ZGPAT: variants seen among roughly 807,000 people sequenced by gnomAD.
The protein encoded by ZGPAT is zinc finger CCCH-type and G-patch domain containing.
In ZGPAT, 39 loss-of-function variants were observed where a neutral mutation model predicts 47.9. That is an observed-to-expected ratio of 0.81 (90% CI 0.63 to 1.06). ZGPAT has a LOEUF of 1.06. Among genes scored for constraint, ZGPAT ranks in the 50% least tolerant of loss-of-function variants. The pLI, the probability that ZGPAT is intolerant of heterozygous loss-of-function variation, is 0.00. For missense variants in ZGPAT, 717 were observed against 681.4 expected, an observed-to-expected ratio of 1.05 and a Z score of -0.58; for synonymous variants, 348 against 292.9, an observed-to-expected ratio of 1.19 and a Z score of -1.92.
chr20:63,711,246 G>A (rs527362936), intron 2 of ZGPAT, among the ~76,000 whole-genome samples: 2 of 152,096 alleles, frequency 1.3e-5, no homozygotes, highest in African/African-American at 4.8e-5. Context: ...CCCAGGTCTC[G>A]AATTCCTGAT....
rs530553969 is a variant in ZGPAT, at chr20:63,732,896, G to T, written c.585-323G>T. The stretch of plus-strand genomic sequence containing the variant: ...TGTGCGTATGCGTGTATGTGTACGT[G>T]TGTATATGCATGTGTGTGTATATGC... On this transcript the variant is annotated intron_variant, in intron 2 of 6. Transcript: ENST00000355969. Among the ~76,000 whole-genome samples the T allele has an allele frequency of 5.9e-5, 9 of 151,976 alleles. No homozygotes were observed. The South Asian group carries it at 1.9e-3, about 31-fold the overall frequency.
rs981340772 is a variant in ZGPAT at position 63,734,848 on chromosome 20, A to G, written c.991+24A>G. On this transcript the variant is annotated intron_variant, in intron 5 of 6. Transcript: ENST00000355969. Reference sequence around the variant, plus strand: ...GGGTGAGTACAAGCTGCCCTGGAGAAGTGGGCAGGCTGCTGCAGCATAGCC... The same window carrying G: ...GGGTGAGTACAAGCTGCCCTGGAGAGGTGGGCAGGCTGCTGCAGCATAGCC... 3.2e-6 allele frequency: 5 copies of G among 1,556,012 alleles called. No homozygotes were observed. In the East Asian group the frequency reaches 1.1e-4, roughly 35 times the overall value.
At chr20:63,721,138 G>A (rs1201175848) in intron 2 of ZGPAT, among the ~76,000 whole-genome samples, 1 of 152,064 alleles carries the variant, frequency 6.6e-6, no homozygotes, top group African/African-American at 2.4e-5. Context: ...GATCACTTGA[G>A]GTCAGGAGTT....
At position 63,735,427 on chromosome 20, in the gene ZGPAT, G is replaced by T; in HGVS notation, c.1260G>T (p.Arg420Ser). ...LEAGAAPAGR[R>S]SKDMYHASKS... ...CCGGGGCGGCCCCAGCGGGGAGGAG[G>T]AGCAAGGACATGTACCATGCCAGCA... is the stretch of plus-strand genomic sequence containing the variant. Residue 420 changes from arginine to serine, a missense_variant, in exon 6 of 7, where the codon AGG becomes AGT. Transcript: ENST00000355969. 2 of 1,574,312 alleles carry T rather than the reference G, an allele frequency of 1.3e-6. No homozygotes were observed. The highest frequency in any genetic ancestry group is 2.4e-5 in the South Asian group (2 of 84,816).
chr20:63,711,807 C>T (rs1381878205), intron 2 of ZGPAT, among the ~76,000 whole-genome samples: 2 of 152,034 alleles, frequency 1.3e-5, no homozygotes, highest in Admixed American at 6.6e-5. Context: ...AGGCTGGTCT[C>T]GAACTCTTGA....
At chr20:63,709,443 C>T (rs1290356936) in intron 2 of ZGPAT, among the ~76,000 whole-genome samples, 2 of 152,210 alleles carry the variant, frequency 1.3e-5, no homozygotes, top group East Asian at 1.9e-4. Context: ...TTCAAGACCA[C>T]GCTGGTCAAC....
In ZGPAT at chr20:63,708,702, G is replaced by C. The variant is rs750848676; in HGVS notation, c.122G>C (p.Gly41Ala). The C allele has an allele frequency of 6.2e-7, 1 of 1,612,686 alleles. No homozygotes were observed. The highest frequency in any genetic ancestry group is 1.3e-5 in the African/African-American group (1 of 74,942). Reference protein sequence around the residue: ...SEQADLRQLQGDLKELIELTE... With the variant: ...SEQADLRQLQADLKELIELTE... ...CAGGCTGACCTGCGCCAGCTGCAGG[G>C]GGACCTGAAGGAGCTCATCGAGCTC... is the stretch of plus-strand genomic sequence containing the variant. Residue 41 changes from glycine (G) to alanine (A), a missense_variant, in exon 2 of 7, where the codon GGG (glycine) becomes GCG (alanine). Gly to Ala is a moderately conservative substitution (Grantham distance 60). Transcript: ENST00000355969.
At chr20:63,717,332 CTTTTTTTTTTTTTTT>C (rs1173734420) in intron 2 of ZGPAT, among the ~76,000 whole-genome samples, 1 of 60,954 alleles carries the variant, frequency 1.6e-5, no homozygotes, top group Non-Finnish European at 2.8e-5. Context: ...TTTTTCTTTT[CTTTTTTTTTTTTTTT>C]TTTTTTTTTT....
At chr20:63,730,744 A>C (rs552422952) in intron 2 of ZGPAT, among the ~76,000 whole-genome samples, 14 of 152,262 alleles carry the variant, frequency 9.2e-5, no homozygotes, top group African/African-American at 2.9e-4. Context: ...GGCCTCCCAA[A>C]GTGCTGGGAT....
chr20:63,713,044 T>C (rs1156381271), intron 2 of ZGPAT, among the ~76,000 whole-genome samples: 1 of 152,132 alleles, frequency 6.6e-6, no homozygotes, highest in Non-Finnish European at 1.5e-5. Flanking sequence ...TAAGTATTAT[T>C]TTTGATGCTT....
At chr20:63,732,409 CGT>C (rs1295612883) in intron 2 of ZGPAT, among the ~76,000 whole-genome samples, 5 of 137,248 alleles carry the variant, frequency 3.6e-5, no homozygotes, top group East Asian at 2.2e-4. Flanking sequence ...CCTGTGTGTG[CGT>C]GTGTGTGGGT....
chr20:63,731,903 G>C (rs1021880703), intron 2 of ZGPAT, among the ~76,000 whole-genome samples: 1 of 152,228 alleles, frequency 6.6e-6, no homozygotes, highest in African/African-American at 2.4e-5. Flanking sequence ...GTAATCTAGG[G>C]ATGATTTAAA....
intron 5 of ZGPAT, 103 bp downstream of exon 5, chr20:63,734,927 G>C: frequency 7.0e-7 from 1 of 1,420,236 alleles, no homozygotes; most frequent in Non-Finnish European, 9.3e-7. Flanking sequence ...GGTTCCCAGG[G>C]TCCCGCAGCC....
chr20:63,730,075 AAG>A (rs2091882526), intron 2 of ZGPAT: 1 of 151,240 alleles, frequency 6.6e-6, no homozygotes, highest in Non-Finnish European at 1.5e-5. Flanking sequence ...TTCTGGGTTA[AAG>A]AGTTTACAAA....
intron 2 of ZGPAT, among the ~76,000 whole-genome samples, chr20:63,709,755 T>C (rs557585888): frequency 2.6e-5 from 4 of 151,708 alleles, no homozygotes; most frequent in African/African-American, 9.7e-5. Flanking sequence ...CCTGGCTCAC[T>C]GCAGCCTGGA....
rs142098239 is a variant in ZGPAT at position 63,720,880 on chromosome 20, G to A, written c.584+11716G>A. Among the ~76,000 whole-genome samples the A allele has an allele frequency of 5.1e-4, 77 of 152,298 alleles. 2 individuals carry two copies. Among genetic ancestry groups the A allele is most frequent in the African/African-American group, 8.7e-4 (36 of 41,566 alleles). On this transcript the variant is annotated intron_variant, in intron 2 of 6. Coordinates refer to ENST00000355969, the MANE Select transcript of ZGPAT (RefSeq NM_181485.3). ...GGTTACTTTGAAAATCAGATCCTCC[G>A]CCCTCTGCAGGGTTCATTGTTGCTG...
In ZGPAT at chr20:63,709,256, G is replaced by A. The variant is rs1472347243; in HGVS notation, c.584+92G>A. 11 of 1,444,960 alleles carry A rather than the reference G, an allele frequency of 7.6e-6. No individual in the cohort carries two copies. The East Asian group carries it at 9.1e-5, about 12-fold the overall frequency. 89.5% of individuals were successfully genotyped at this position (1,444,960 alleles called of 1,614,324 possible). ...GGATCGGCCCTCCCTTTGCTTTGCA[G>A]TTTTGTCTCAGCTTCCTGGGGCAGG... On this transcript the variant is annotated intron_variant, in intron 2 of 6. Transcript: ENST00000355969.
At chr20:63,731,326 G>A (rs185904447) in intron 2 of ZGPAT, among the ~76,000 whole-genome samples, 1 of 76,116 alleles carries the variant, frequency 1.3e-5, no homozygotes, top group African/African-American at 5.9e-5. Context: ...GCATACATGT[G>A]TAAAGTGTAC....
chr20:63,724,239 G>A (rs2091819434), intron 2 of ZGPAT, among the ~76,000 whole-genome samples: 1 of 151,862 alleles, frequency 6.6e-6, no homozygotes, highest in African/African-American at 2.4e-5. Context: ...GGTGGTGGGT[G>A]TCTGTAATCC....
Sources: gnomAD v4.1 joint callset for allele counts (sites outside exome capture counted in the v4.1 genomes callset) on GRCh38, gnomAD v4.1.1 for gene constraint, MANE v1.5 for transcripts, NCBI Gene and HGNC (gene_info 2026-07-23, HGNC 2026-07-21) for gene names.